The following ABCC4 variants were observed in gnomAD, a reference collection of about 807,000 sequenced individuals.
ABCC4 encodes ATP-binding cassette sub-family C member 4.
A neutral mutation model predicts 168.5 loss-of-function variants in ABCC4; 102 were observed. That is an observed-to-expected ratio of 0.61 (90% confidence interval 0.52 to 0.71). The LOEUF (loss-of-function observed/expected upper bound fraction) is 0.71. Among genes scored for constraint, ABCC4 ranks in the 30% least tolerant of loss-of-function variants. ABCC4 has a pLI of 0.00. For missense variants in ABCC4, 1,402 were observed against 1,605.8 expected (o/e 0.87, Z 2.17); for synonymous variants, 617 against 590.7 (o/e 1.04, Z -0.65).
chr13:95,061,016 T>C (rs1258559038), intron 26 of ABCC4, among the ~76,000 whole-genome samples: 2 of 152,246 alleles, frequency 1.3e-5, no homozygotes, highest in Admixed American at 6.5e-5. Flanking sequence ...CTTTTGTGAC[T>C]GGCTTATTTC....
chr13:95,047,813 C>G (rs1023595763), intron 27 of ABCC4, among the ~76,000 whole-genome samples: 1 of 152,158 alleles, frequency 6.6e-6, no homozygotes, highest in Admixed American at 6.6e-5. Context: ...TCAGCTAGTT[C>G]TTTTCATGCA....
chr13:95,157,795 G>A (rs749105488), intron 19 of ABCC4, among the ~76,000 whole-genome samples: 1 of 152,218 alleles, frequency 6.6e-6, no homozygotes, highest in Non-Finnish European at 1.5e-5. Context: ...TTCAGGCCGG[G>A]CGCGGTGGCT....
chr13:95,073,277 G>A lies in ABCC4; in HGVS notation c.2945C>T (p.Ala982Val). The change falls in exon 24 of 31, where the codon GCA becomes GTA. Residue 982 changes from alanine to valine, a missense_variant. Physicochemically the swap from Ala to Val is moderately conservative, Grantham distance 64 (BLOSUM62 0). This residue lies in a region of ABCC4 where 1,007 missense variants were observed against 1,127.3 expected (regional missense o/e 0.89). Coordinates refer to ENST00000645237, the MANE Select transcript of ABCC4 (RefSeq NM_005845.5). ...CATGAGCGTGAGGGCATAGGACAGT[G>A]CCAAACCAACCTGCCCGGCATCCAG... The part of the protein sequence containing the change: ...KTLDAGQVGL[A>V]LSYALTLMGM... The A allele has an allele frequency of 1.2e-6, 2 of 1,613,666 alleles. No homozygotes were observed. Among genetic ancestry groups the A allele is most frequent in the Non-Finnish European group, 1.7e-6 (2 of 1,179,774 alleles).
intron 19 of ABCC4, among the ~76,000 whole-genome samples, chr13:95,143,673 A>G (rs1202937340): frequency 6.6e-6 from 1 of 152,204 alleles, no homozygotes; most frequent in Non-Finnish European, 1.5e-5. Flanking sequence ...ACCATTCCAC[A>G]GTATCTCCTA....
intron 4 of ABCC4, among the ~76,000 whole-genome samples, chr13:95,228,391 C>T (rs565608985): frequency 2.5e-4 from 38 of 152,262 alleles, no homozygotes; most frequent in African/African-American, 7.9e-4. Flanking sequence ...CTTCCACTTC[C>T]TACTCAGTCT....
chr13:95,100,181 T>G (rs1440956863), intron 20 of ABCC4, among the ~76,000 whole-genome samples: 1 of 152,228 alleles, frequency 6.6e-6, no homozygotes, highest in African/African-American at 2.4e-5. Context: ...ACTATTGTTT[T>G]GCAATGGACA....
At chr13:95,296,351 G>T (rs1490912206) in intron 1 of ABCC4, among the ~76,000 whole-genome samples, 3 of 151,980 alleles carry the variant, frequency 2.0e-5, no homozygotes, top group African/African-American at 7.2e-5. Flanking sequence ...TATAGAAAAA[G>T]AAAATATAAA....
At chr13:95,083,385 G>A (rs2034160889) in intron 20 of ABCC4, 95 bp from the exon 21 acceptor site, 2 of 1,428,082 alleles carry the variant, frequency 1.4e-6, no homozygotes, top group East Asian at 2.4e-5. Context: ...TCCTTTCTCT[G>A]AAAGACTTAT....
chr13:95,059,707 C>T (rs2033213780), intron 26 of ABCC4, among the ~76,000 whole-genome samples: 1 of 152,010 alleles, frequency 6.6e-6, no homozygotes, highest in East Asian at 1.9e-4. Context: ...AAGGAATTCA[C>T]CAAGGATCAC....
Position 95,187,590 on chromosome 13 carries a change from C to T in ABCC4, c.1354-698G>A, listed in dbSNP as rs375710153. On this transcript the variant is annotated intron_variant, in intron 10 of 30. Coordinates refer to ENST00000645237, the MANE Select transcript of ABCC4 (RefSeq NM_005845.5). The stretch of plus-strand genomic sequence containing the variant: ...CTGCACTCCAGCCTGGGTGACAGAG[C>T]GAGACCATGTCTCAAAAACTAAATA... Among the ~76,000 whole-genome samples the T allele has an allele frequency of 4.6e-5, 7 of 152,054 alleles. No individual in the cohort carries two copies. The South Asian group carries it at 6.2e-4, about 14-fold the overall frequency.
At chr13:95,251,250 T>A (rs2040250268) in intron 1 of ABCC4, among the ~76,000 whole-genome samples, 2 of 152,098 alleles carry the variant, frequency 1.3e-5, no homozygotes, top group Admixed American at 1.3e-4. Flanking sequence ...ATCCCCTCAC[T>A]TTCTCTTTCC....
At chr13:95,214,209 C>T in intron 4 of ABCC4, among the ~76,000 whole-genome samples, 1 of 151,978 alleles carries the variant, frequency 6.6e-6, no homozygotes, top group African/African-American at 2.4e-5. Context: ...AGTCGCTAAC[C>T]CTTCCTTCTA....
Position 95,186,856 on chromosome 13 carries a change from G to C in ABCC4, c.1390C>G (p.Pro464Ala). Residue 464 changes from proline (P) to alanine (A), a missense_variant, in exon 11 of 31, where the codon CCA becomes GCA. Around this residue, in one of 3 missense-constraint regions of ABCC4, gnomAD observed 1,007 missense variants for 1,127.3 expected, o/e 0.89. Coordinates refer to ENST00000645237, the MANE Select transcript of ABCC4 (RefSeq NM_005845.5). ...LLSAVLGELAPSHGLVSVHGR... is the reference protein window; with the variant it reads ...LLSAVLGELAASHGLVSVHGR... The stretch of plus-strand genomic sequence containing the variant: ...TGCACGCTGACCAGCCCGTGACTTG[G>C]GGCCAATTCCCCGAGCACGGCACTT... 6.2e-7 allele frequency: 1 copy of C among 1,613,372 alleles called. No individual in the cohort carries two copies. The highest frequency in any genetic ancestry group is 8.5e-7 in the Non-Finnish European group (1 of 1,179,788).
chr13:95,161,116 A>G lies in ABCC4; in HGVS notation c.2455+73T>C, dbSNP rs1594207431. The G allele has an allele frequency of 3.3e-6, 4 of 1,202,510 alleles. No homozygotes were observed. The East Asian group carries it at 1.1e-4, about 34-fold the overall frequency. 74.5% of individuals were successfully genotyped at this position (1,202,510 alleles called of 1,614,324 possible). ...CCCAGCATCCCTTCCATTTTCAAAG[A>G]TGGAAATGTAATCAGATCCTAAATG... On this transcript the variant is annotated intron_variant, in intron 19 of 30. Transcript: ENST00000645237.
chr13:95,115,502 CAAA>C (rs4148521), intron 20 of ABCC4, among the ~76,000 whole-genome samples: 3 of 141,098 alleles, frequency 2.1e-5, no homozygotes, highest in Non-Finnish European at 4.6e-5. Context: ...TGGTTCTATC[CAAA>C]AAAAAAAAAA....
At chr13:95,176,656 T>G (rs2037714106) in intron 13 of ABCC4, among the ~76,000 whole-genome samples, 1 of 152,150 alleles carries the variant, frequency 6.6e-6, no homozygotes, top group Non-Finnish European at 1.5e-5. Context: ...CAGCCCAGCA[T>G]GGGTGCTTAT....
chr13:95,200,752 G>C (rs2038601868), intron 8 of ABCC4, among the ~76,000 whole-genome samples: 1 of 152,002 alleles, frequency 6.6e-6, no homozygotes, highest in Non-Finnish European at 1.5e-5. Flanking sequence ...AAGATATTGG[G>C]ACCCAGCCAA....
At chr13:95,069,156 C>T (rs990010306) in intron 25 of ABCC4, among the ~76,000 whole-genome samples, 6 of 152,136 alleles carry the variant, frequency 3.9e-5, no homozygotes, top group African/African-American at 1.2e-4. Flanking sequence ...AGAGCAGTTC[C>T]GAAAGTATCT....
chr13:95,202,644 CTTT>C (rs10603210), intron 8 of ABCC4, among the ~76,000 whole-genome samples: 2 of 93,066 alleles, frequency 2.1e-5, no homozygotes, highest in Non-Finnish European at 4.2e-5. Context: ...AGAATGTGCA[CTTT>C]TTTTTTTTTT....
Sources: allele counts gnomAD v4.1 joint callset (sites outside exome capture counted in the v4.1 genomes callset), GRCh38; gene constraint gnomAD v4.1.1; regional missense constraint gnomAD v4.1.1; transcripts MANE v1.5; gene names NCBI Gene and HGNC (gene_info 2026-07-23, HGNC 2026-07-21).